PLEC: variants seen among roughly 807,000 people sequenced by gnomAD.
PLEC encodes the protein plectin.
Under a neutral mutation model 392.8 loss-of-function variants are expected in PLEC, and 216 were observed. That is an observed-to-expected ratio of 0.55 (90% CI 0.49 to 0.62). PLEC has a LOEUF of 0.62. Ranked by LOEUF, PLEC falls within the 20% of genes least tolerant of loss-of-function variation. The pLI, the probability that PLEC is intolerant of heterozygous loss-of-function variation, is 0.00. For missense variants in PLEC, 6,863 were observed against 6,563.4 expected, an observed-to-expected ratio of 1.05 and a Z score of -1.58; for synonymous variants, 3,621 against 2,980.6, an observed-to-expected ratio of 1.21 and a Z score of -7.00.
Position 143,923,350 on chromosome 8 carries a change from C to T in PLEC, c.6579G>A (p.Leu2193=), listed in dbSNP as rs1554691985. Residue 2193 remains leucine (L), a synonymous_variant, in exon 31 of 32, where the codon CTG becomes CTA. Transcript: ENST00000345136. The stretch of plus-strand genomic sequence containing the variant: ...TCTGGTGGTCGGTCTCCTCCAGCTG[C>T]AGCCGCAGTGTTGTCAGCTCCTGCT... The part of the protein sequence containing the change: ...QVEQELTTLR[L]QLEETDHQKN... 1.9e-6 allele frequency: 3 copies of T among 1,610,194 alleles called. No individual in the cohort carries two copies. The highest frequency in any genetic ancestry group is 1.3e-5 in the African/African-American group (1 of 74,860).
Position 143,918,394 on chromosome 8 carries a change from G to A in PLEC, c.11427C>T (p.Ile3809=), listed in dbSNP as rs782372017. 14 of 1,565,420 alleles carry A rather than the reference G, an allele frequency of 8.9e-6. No homozygotes were observed. The East Asian group carries it at 9.3e-5, about 10-fold the overall frequency. ...LLDAQLATGG[I]VDPRLGFHLP... ...GGTGGAAGCCCAGGCGGGGGTCCAC[G>A]ATGCCGCCGGTGGCCAGCTGGGCAT... The change falls in exon 32 of 32, where the codon ATC becomes ATT. Residue 3809 remains isoleucine, a synonymous_variant. Coordinates refer to ENST00000345136, the MANE Select transcript of PLEC (RefSeq NM_201384.3).
At chr8:143,953,103 GC>G (rs1832366142), upstream of PLEC, among the ~76,000 whole-genome samples, 1 of 139,842 alleles carries the variant, frequency 7.2e-6, no homozygotes, top group Admixed American at 7.4e-5. Context: ...GGAAGCTACC[GC>G]CCCCTGCCCC....
chr8:143,932,225 G>A lies in PLEC; in HGVS notation c.1987C>T (p.Arg663Trp), dbSNP rs372672134. 2.5e-6 allele frequency: 4 copies of A among 1,612,008 alleles called. No homozygotes were observed. Among genetic ancestry groups the A allele is most frequent in the African/African-American group, 1.3e-5 (1 of 74,908 alleles). Residue 663 changes from arginine (R) to tryptophan (W), a missense_variant, in exon 17 of 32, where the codon CGG (arginine) becomes TGG (tryptophan). Physicochemically the swap from Arg to Trp is moderately radical, Grantham distance 101. Coordinates refer to ENST00000345136, the MANE Select transcript of PLEC (RefSeq NM_201384.3). ...AKKESYSALMRELELKEKKIK... is the reference protein window; with the variant it reads ...AKKESYSALMWELELKEKKIK... ...TTCTTCTCCTTCAGCTCCAGCTCCC[G>A]CATCAGCGCCTGGCACCAGAGCAAA...
At position 143,919,963 on chromosome 8, in the gene PLEC, C is replaced by T. The variant is rs1554680000; in HGVS notation, c.9858G>A (p.Lys3286=). The T allele has an allele frequency of 2.5e-6, 4 of 1,613,398 alleles. No individual in the cohort carries two copies. Among genetic ancestry groups the T allele is most frequent in the Non-Finnish European group, 3.4e-6 (4 of 1,180,030 alleles). The stretch of plus-strand genomic sequence containing the variant: ...CCTCCTCCACGATGGTAATGAGAAT[C>T]TTGATGACCTTCTCCACGGTGACCT... ...TGKVTVEKVI[K]ILITIVEEVE... The change falls in exon 32 of 32, where the codon AAG becomes AAA. Residue 3286 remains lysine (K), a synonymous_variant. Transcript: ENST00000345136.
At position 143,934,145 on chromosome 8, in the gene PLEC, G is replaced by A. The variant is rs1185095832; in HGVS notation, c.1170-54C>T. The A allele has an allele frequency of 1.1e-5, 17 of 1,595,102 alleles. No individual in the cohort carries two copies. In the Admixed American group the frequency reaches 1.7e-4, roughly 16 times the overall value. On this transcript the variant is annotated intron_variant, in intron 11 of 31. Transcript: ENST00000345136. ...CGTTGGCCGGGTCCGGCACAGCCCT[G>A]GCCACAGACTGCAGCTCGCCTCCCG...
In PLEC at chr8:143,923,127, C is replaced by T. The variant is rs1431539328; in HGVS notation, c.6802G>A (p.Glu2268Lys). Reference protein sequence around the residue: ...DKDNTQRFLQEEAEKMKQVAE... With the variant: ...DKDNTQRFLQKEAEKMKQVAE... ...ACCTGCTTCATCTTCTCAGCCTCCT[C>T]CTGCAGGAAGCGCTGCGTATTGTCC... Residue 2268 changes from glutamate (E) to lysine (K), a missense_variant, in exon 31 of 32, where the codon GAG (glutamate) becomes AAG (lysine). Coordinates refer to ENST00000345136, the MANE Select transcript of PLEC (RefSeq NM_201384.3). The T allele has an allele frequency of 6.2e-6, 10 of 1,604,344 alleles. No individual in the cohort carries two copies. The highest frequency in any genetic ancestry group is 1.3e-5 in the African/African-American group (1 of 74,906).
rs566693683 is a variant in PLEC, at chr8:143,939,202, C to T, written c.112+148G>A. On this transcript the variant is annotated intron_variant, in intron 1 of 31. Coordinates refer to ENST00000345136, the MANE Select transcript of PLEC (RefSeq NM_201384.3). ...CTCGCGGGCGCCTGTCGGCCCACTC[C>T]GTGTTGGGTGGGGATGGCTGGCCCC... 1.5e-4 allele frequency: 172 copies of T among 1,127,634 alleles called. 2 individuals carry two copies. Among genetic ancestry groups the T allele is most frequent in the African/African-American group, 1.4e-3 (89 of 64,918 alleles). The allele number at this position is 1,127,634 out of a possible 1,614,324, so 69.9% of individuals were successfully genotyped here.
At chr8:143,940,473 G>A (rs1554727919), upstream of PLEC, among the ~76,000 whole-genome samples, 4 of 152,212 alleles carry the variant, frequency 2.6e-5, no homozygotes, top group African/African-American at 9.6e-5. Context: ...TTGCAGCTGG[G>A]TGGGGCTCAA....
At chr8:143,944,834 C>T in intron 1 of PLEC, 3 of 604,696 alleles carry the variant, frequency 5.0e-6, no homozygotes, top group Non-Finnish European at 7.6e-6. Flanking sequence ...TGGGCAGGGG[C>T]CCAGGGGATA....
At chr8:143,942,430 G>T, upstream of PLEC, 1 of 1,604,848 alleles carries the variant, frequency 6.2e-7, no homozygotes. Context: ...GCCCCTGCGG[G>T]CCGGCTCGCA....
chr8:143,931,570 G>T lies in PLEC; in HGVS notation c.2268C>A (p.Thr756=), dbSNP rs371267446. Residue 756 remains threonine (T), a synonymous_variant, in exon 19 of 32, where the codon ACC becomes ACA. Transcript: ENST00000345136. ...RRKYSCDRSA[T]VTRLEDLLQD... ...GCAGCAGGTCCTCCAGCCGGGTGAC[G>T]GTGGCGGAGCGATCACAACTGTATT... is the stretch of plus-strand genomic sequence containing the variant. 1 of 1,597,236 alleles carries T rather than the reference G, an allele frequency of 6.3e-7. No individual in the cohort carries two copies. The highest frequency in any genetic ancestry group is 8.5e-7 in the Non-Finnish European group (1 of 1,172,170).
At position 143,923,089 on chromosome 8, in the gene PLEC, G is replaced by A. The variant is rs202182619; in HGVS notation, c.6840C>T (p.Ala2280=). Residue 2280 remains alanine, a synonymous_variant, in exon 31 of 32, where the codon GCC becomes GCT. Transcript: ENST00000345136. ...AEKMKQVAEE[A]ARLSVAAQEA... is the part of the protein sequence containing the mutation. ...CTTGGGCCGCCACACTCAGCCGCGCGGCCTCCTCCGCCACCTGCTTCATCT... is the reference window on the plus strand; with the variant it reads ...CTTGGGCCGCCACACTCAGCCGCGCAGCCTCCTCCGCCACCTGCTTCATCT... 131 of 1,606,752 alleles carry A rather than the reference G, an allele frequency of 8.2e-5. No homozygotes were observed. The highest frequency in any genetic ancestry group is 1.9e-4 in the African/African-American group (14 of 74,858).
Position 143,925,686 on chromosome 8 carries a change from T to C in PLEC, c.4243A>G (p.Lys1415Glu). 1 of 1,591,980 alleles carries C rather than the reference T, an allele frequency of 6.3e-7. No individual in the cohort carries two copies. Among genetic ancestry groups the C allele is most frequent in the Admixed American group, 1.7e-5 (1 of 59,420 alleles). ...TGCAGCTCCTCCTGAATGCTGCGCT[T>C]CTGCTGCTGCGCGTCCACCGCCGCC... ...EEAAVDAQQQ[K>E]RSIQEELQQL... Residue 1415 changes from lysine (K) to glutamate (E), a missense_variant, in exon 31 of 32, where the codon AAG (lysine) becomes GAG (glutamate). Physicochemically the swap from Lys to Glu is moderately conservative, Grantham distance 56. Transcript: ENST00000345136.
At position 143,934,118 on chromosome 8, in the gene PLEC, C is replaced by T. The variant is rs559063704; in HGVS notation, c.1170-27G>A. ...TGCAGCAGCAGCACAGGGAAGGGGCCGCGTTGGCCGGGTCCGGCACAGCCC... is the reference window on the plus strand; with the variant it reads ...TGCAGCAGCAGCACAGGGAAGGGGCTGCGTTGGCCGGGTCCGGCACAGCCC... On this transcript the variant is annotated intron_variant, in intron 11 of 31. Coordinates refer to ENST00000345136, the MANE Select transcript of PLEC (RefSeq NM_201384.3). 2.5e-5 allele frequency: 40 copies of T among 1,606,580 alleles called. 1 individual carries two copies. The highest frequency in any genetic ancestry group is 2.2e-4 in the South Asian group (20 of 90,330).
In PLEC at chr8:143,918,434, G is replaced by GC; in HGVS notation, c.11386dup (p.Ala3796GlyfsTer72). On this transcript the variant is annotated frameshift_variant, in exon 32 of 32. Transcript: ENST00000345136. LOFTEE classifies it high-confidence loss of function. ...CAGCTGGGCATCCAGCAGCCGCAGG[G>GC]CCTCCTCAGTAGGGATCAGCTCCTT... The GC allele has an allele frequency of 6.3e-7, 1 of 1,580,050 alleles. No individual in the cohort carries two copies. The highest frequency in any genetic ancestry group is 1.1e-5 in the South Asian group (1 of 88,110).
intron 1 of PLEC, among the ~76,000 whole-genome samples, chr8:143,962,798 A>C (rs1300000527): frequency 6.6e-6 from 1 of 152,256 alleles, no homozygotes; most frequent in Non-Finnish European, 1.5e-5. Context: ...AAAGTGTGGA[A>C]GGTGTGGCTT....
intron 23 of PLEC, 34 bp from the exon 24 acceptor site, chr8:143,929,605 C>A: frequency 1.2e-6 from 2 of 1,611,116 alleles, no homozygotes. Flanking sequence ...CCACCGCCCA[C>A]CTCGCACCAG....
At position 143,916,765 on chromosome 8, in the gene PLEC, G is replaced by A. The variant is rs1554670049; in HGVS notation, c.13056C>T (p.Ala4352=). Residue 4352 remains alanine, a synonymous_variant, in exon 32 of 32, where the codon GCC becomes GCT. Transcript: ENST00000345136. ...CCTCGAAGCCGCAGAAGGCCTTCTG[G>A]GCCAGGTTGATGCGGTCCACCATGA... ...DKIMVDRINL[A]QKAFCGFEDP... 13 of 1,613,294 alleles carry A rather than the reference G, an allele frequency of 8.1e-6. No individual in the cohort carries two copies. The highest frequency in any genetic ancestry group is 1.0e-5 in the Non-Finnish European group (12 of 1,179,958).
chr8:143,946,456 G>A (rs1831491684), intron 1 of PLEC: 2 of 1,234,262 alleles, frequency 1.6e-6, no homozygotes, highest in Non-Finnish European at 1.1e-6. Flanking sequence ...AGGAAGGAGG[G>A]AAGGGGTGGG....
Sources: allele counts gnomAD v4.1 joint callset (sites outside exome capture counted in the v4.1 genomes callset), GRCh38; gene constraint gnomAD v4.1.1; transcripts MANE v1.5; gene names NCBI Gene and HGNC (gene_info 2026-07-23, HGNC 2026-07-21).